NEURL1: variants seen among roughly 807,000 people sequenced by gnomAD.
NEURL1 encodes the protein E3 ubiquitin-protein ligase NEURL1.
Under a neutral mutation model 41.2 loss-of-function variants are expected in NEURL1, and 26 were observed. That is an observed-to-expected ratio of 0.63 (90% CI 0.46 to 0.87). The LOEUF is 0.87. Ranked by LOEUF, NEURL1 falls within the 40% of genes least tolerant of loss-of-function variation. The probability of loss-of-function intolerance (pLI) is 0.00; values close to 1 mark genes in which losing one functional copy is unlikely to be tolerated. For missense variants in NEURL1, 761 were observed against 871.1 expected (o/e 0.87, Z 1.59); for synonymous variants, 400 against 402.3 (o/e 0.99, Z 0.07).
In NEURL1 at chr10:103,571,598, C is replaced by T; in HGVS notation, c.425C>T (p.Ala142Val). The change falls in exon 3 of 6, where the codon GCC becomes GTC. Residue 142 changes from alanine (A) to valine (V), a missense_variant. By Grantham distance (64) the Ala-to-Val change is moderately conservative (BLOSUM62 0). Transcript: ENST00000369780. The stretch of plus-strand genomic sequence containing the variant: ...CACCCTGACTCGCTGCCCAAGTACG[C>T]CTGCCCCGACCTGGTGTCCCAGAGT... Reference protein sequence around the residue: ...RIHPDSLPKYACPDLVSQSGF... With the variant: ...RIHPDSLPKYVCPDLVSQSGF... 6.2e-7 allele frequency: 1 copy of T among 1,614,106 alleles called. No individual in the cohort carries two copies. The highest frequency in any genetic ancestry group is 8.5e-7 in the Non-Finnish European group (1 of 1,180,018).
rs74154555 is a variant in NEURL1, at chr10:103,590,231, G to C, written c.1584G>C (p.Ala528=). 65 of 1,614,134 alleles carry C rather than the reference G, an allele frequency of 4.0e-5. No individual in the cohort carries two copies. The African/African-American group carries it at 8.4e-4, about 21-fold the overall frequency. The change falls in exon 6 of 6, where the codon GCG becomes GCC. Residue 528 remains alanine (A), a synonymous_variant. Transcript: ENST00000369780. The part of the protein sequence containing the change: ...SDECTICYEH[A]VDTVIYTCGH... Reference sequence around the variant, plus strand: ...AGTGCACCATTTGCTATGAACACGCGGTGGACACGGTCATCTACACATGTG... The same window carrying C: ...AGTGCACCATTTGCTATGAACACGCCGTGGACACGGTCATCTACACATGTG...
In NEURL1 at chr10:103,584,664, G is replaced by A. The variant is rs1441472555; in HGVS notation, c.778G>A (p.Ala260Thr). Residue 260 changes from alanine to threonine, a missense_variant, in exon 4 of 6, where the codon GCG becomes ACG. Around this residue, in one of 5 missense-constraint regions of NEURL1, gnomAD observed 443 missense variants for 408.1 expected, o/e 1.09. Coordinates refer to ENST00000369780, the MANE Select transcript of NEURL1 (RefSeq NM_004210.5). ...VSLCDLNVPG[A>T]DGDEAAPAAG... ...CCTATGCGACCTCAACGTGCCGGGCGCGGACGGCGACGAGGCCGCGCCGGC... is the reference window on the plus strand; with the variant it reads ...CCTATGCGACCTCAACGTGCCGGGCACGGACGGCGACGAGGCCGCGCCGGC... 2 of 1,427,178 alleles carry A rather than the reference G, an allele frequency of 1.4e-6. No individual in the cohort carries two copies. The highest frequency in any genetic ancestry group is 3.0e-5 in the Admixed American group (1 of 33,236). 88.4% of individuals were successfully genotyped at this position (1,427,178 alleles called of 1,614,324 possible). A position where few individuals can be genotyped will look rare whatever the true frequency, so the allele number is the denominator to read the frequency against.
intron 1 of NEURL1, among the ~76,000 whole-genome samples, chr10:103,530,853 T>C (rs1483364733): frequency 6.6e-6 from 1 of 152,134 alleles, no homozygotes; most frequent in Non-Finnish European, 1.5e-5. Flanking sequence ...ATTTCGGTTC[T>C]TTTAGAATTG....
intron 2 of NEURL1, 112 bp downstream of exon 2, chr10:103,571,225 C>T (rs2133877634): frequency 9.2e-7 from 1 of 1,090,970 alleles, no homozygotes; most frequent in East Asian, 2.4e-5. Context: ...ACCCCCAGCA[C>T]CACACCCTGC....
rs2036014263 is a variant in NEURL1 at position 103,590,333 on chromosome 10, C to T, written c.1686C>T (p.Arg562=). ...ACGCCTGCTGCCCCATCTGCCGCCG[C>T]CCCATCAAGGACATCATCAAGACCT... The part of the protein sequence containing the change: ...ALHACCPICR[R]PIKDIIKTYR... Residue 562 remains arginine (R), a synonymous_variant, in exon 6 of 6, where the codon CGC becomes CGT. Transcript: ENST00000369780. The T allele has an allele frequency of 6.2e-7, 1 of 1,614,128 alleles. No individual in the cohort carries two copies. Among genetic ancestry groups the T allele is most frequent in the Non-Finnish European group, 8.5e-7 (1 of 1,180,024 alleles).
intron 1 of NEURL1, among the ~76,000 whole-genome samples, chr10:103,536,316 G>A (rs1352100725): frequency 6.6e-6 from 1 of 152,174 alleles, no homozygotes; most frequent in East Asian, 1.9e-4. Flanking sequence ...GGCTGAGGCG[G>A]GTGGATCACC....
intron 1 of NEURL1, among the ~76,000 whole-genome samples, chr10:103,543,853 C>T (rs576218553): frequency 6.6e-6 from 1 of 151,748 alleles, no homozygotes; most frequent in Non-Finnish European, 1.5e-5. Context: ...CAAAAAGCAA[C>T]AGACAAGTGA....
chr10:103,505,220 A>ATT (rs34595199), intron 1 of NEURL1, among the ~76,000 whole-genome samples: 32,584 of 128,412 alleles, frequency 0.25, 4,592 homozygotes, highest in East Asian at 0.4. Flanking sequence ...AGCCCAGCTA[A>ATT]TTTTTTTTTT....
At chr10:103,535,097 C>T (rs1238343221) in intron 1 of NEURL1, among the ~76,000 whole-genome samples, 1 of 152,134 alleles carries the variant, frequency 6.6e-6, no homozygotes, top group Non-Finnish European at 1.5e-5. Flanking sequence ...TGTAGTGTGA[C>T]TCTAGAACAA....
intron 1 of NEURL1, among the ~76,000 whole-genome samples, chr10:103,520,643 T>C (rs1047309852): frequency 6.6e-6 from 1 of 152,162 alleles, no homozygotes; most frequent in Non-Finnish European, 1.5e-5. Context: ...GGCCTGACAT[T>C]CCTGTCTTCT....
Position 103,579,659 on chromosome 10 carries a change from G to A in NEURL1, c.650-4877G>A, listed in dbSNP as rs773559804. On this transcript the variant is annotated intron_variant, in intron 3 of 5. Transcript: ENST00000369780. ...TGTATTCAAATATTTTCCTGACTTC[G>A]GGGCAGGCATGGTGGCTCACACCTG... is the stretch of plus-strand genomic sequence containing the variant. Among the ~76,000 whole-genome samples, 15 of 152,126 alleles carry A rather than the reference G, an allele frequency of 9.9e-5. 1 individual carries two copies. The highest frequency in any genetic ancestry group is 1.9e-4 in the East Asian group (1 of 5,190).
At position 103,566,408 on chromosome 10, in the gene NEURL1, G is replaced by A. The variant is rs1268837210; in HGVS notation, c.86-4464G>A. Among the ~76,000 whole-genome samples the A allele has an allele frequency of 6.6e-6, 1 of 152,012 alleles. No homozygotes were observed. The highest frequency in any genetic ancestry group is 1.5e-5 in the Non-Finnish European group (1 of 68,016). ...CCTTCTCTGATACCTACTGATCTCTGTCTCTCTCTAGTTTTGCCTTTTCCA... is the reference window on the plus strand; with the variant it reads ...CCTTCTCTGATACCTACTGATCTCTATCTCTCTCTAGTTTTGCCTTTTCCA... On this transcript the variant is annotated intron_variant, in intron 1 of 5. Transcript: ENST00000369780. This position sits in a 1 kb window ranked among gnomAD's most constrained non-coding sequence, Gnocchi z 4.2.
rs1020359186 is a variant in NEURL1 at position 103,545,270 on chromosome 10, C to T, written c.86-25602C>T. Among the ~76,000 whole-genome samples the T allele has an allele frequency of 2.0e-5, 3 of 152,222 alleles. No individual in the cohort carries two copies. Among genetic ancestry groups the T allele is most frequent in the African/African-American group, 7.2e-5 (3 of 41,454 alleles). ...TCCTGACAGCCACCTTTGGTGGCCA[C>T]ACCTGAACTCTGGCTCAGGAGGGTG... On this transcript the variant is annotated intron_variant, in intron 1 of 5. Transcript: ENST00000369780. This position sits in a 1 kb window ranked among gnomAD's most constrained non-coding sequence, Gnocchi z 4.5.
intron 1 of NEURL1, among the ~76,000 whole-genome samples, chr10:103,562,187 A>G (rs2035309052): frequency 6.6e-6 from 1 of 152,232 alleles, no homozygotes; most frequent in Admixed American, 6.5e-5. Context: ...GTTCGAGACC[A>G]GCCTGACCAA....
chr10:103,561,988 A>G (rs1339216228), intron 1 of NEURL1, among the ~76,000 whole-genome samples: 1 of 152,236 alleles, frequency 6.6e-6, no homozygotes, highest in Non-Finnish European at 1.5e-5. Context: ...ACTCCTGCCA[A>G]TTCATCAGTA....
intron 1 of NEURL1, among the ~76,000 whole-genome samples, chr10:103,541,813 G>A (rs1174638988): frequency 2.0e-5 from 3 of 152,172 alleles, no homozygotes; most frequent in East Asian, 1.9e-4. Flanking sequence ...GCAGAAAACC[G>A]GATGTCCCAA....
At chr10:103,572,407 G>C (rs763758432) in intron 3 of NEURL1, among the ~76,000 whole-genome samples, 4 of 152,222 alleles carry the variant, frequency 2.6e-5, no homozygotes, top group African/African-American at 4.8e-5. Context: ...AGGGATGTTG[G>C]ATAAAAGGGT....
At chr10:103,523,707 C>G (rs909353603) in intron 1 of NEURL1, among the ~76,000 whole-genome samples, 2 of 152,164 alleles carry the variant, frequency 1.3e-5, no homozygotes, top group Non-Finnish European at 2.9e-5. Context: ...ATTTATCTTT[C>G]TGTACCTGGC....
At chr10:103,494,542 G>T (rs1300072333) in intron 1 of NEURL1, 70 bp downstream of exon 1, 10 of 1,362,360 alleles carry the variant, frequency 7.3e-6, no homozygotes, top group Non-Finnish European at 8.9e-6. Flanking sequence ...TGTGGTTGGG[G>T]AGGGCGGGCA....
Sources: gnomAD v4.1 joint callset for allele counts (sites outside exome capture counted in the v4.1 genomes callset) on GRCh38, gnomAD v4.1.1 for gene constraint, gnomAD v4.1.1 regional missense constraint, Gnocchi (gnomAD v3.1) non-coding constraint, MANE v1.5 for transcripts, NCBI Gene and HGNC (gene_info 2026-07-23, HGNC 2026-07-21) for gene names.